Variants in THSD4 observed in about 807,000 individuals in gnomAD.
The protein encoded by THSD4 is thrombospondin type 1 domain containing 4.
In THSD4, 69 loss-of-function variants were observed where a neutral mutation model predicts 119.0. That is an observed-to-expected ratio of 0.58 (90% confidence interval 0.48 to 0.71). THSD4 has a LOEUF of 0.71. THSD4 is among the 30% of genes least tolerant of loss of function. THSD4 has a pLI of 0.00. For missense variants in THSD4, 1,393 were observed against 1,391.1 expected (o/e 1.00, Z -0.02); for synonymous variants, 524 against 540.4 (o/e 0.97, Z 0.42).
chr15:71,410,980 G>A (rs528539174), intron 6 of THSD4, among the ~76,000 whole-genome samples: 8 of 152,310 alleles, frequency 5.3e-5, no homozygotes, highest in South Asian at 2.1e-4. Context: ...CCCGGGAGGC[G>A]GAGGTTGCTG....
At chr15:71,727,583 T>TACACACACAC (rs1567122090) in intron 8 of THSD4, among the ~76,000 whole-genome samples, 2 of 6,884 alleles carry the variant, frequency 2.9e-4, no homozygotes, top group African/African-American at 4.7e-4. Flanking sequence ...TATATATATA[T>TACACACACAC]ATATACACAC....
intron 7 of THSD4, among the ~76,000 whole-genome samples, chr15:71,657,405 C>T (rs2051212649): frequency 6.6e-6 from 1 of 152,222 alleles, no homozygotes; most frequent in East Asian, 1.9e-4. Flanking sequence ...ATCTGATCTT[C>T]ACAACAGCCC....
chr15:71,757,141 G>A (rs2053553186), intron 14 of THSD4, among the ~76,000 whole-genome samples: 1 of 152,104 alleles, frequency 6.6e-6, no homozygotes. Flanking sequence ...CATGCCAAAG[G>A]TAGGAGGGGC....
chr15:71,473,893 C>T (rs1457134594), intron 7 of THSD4, among the ~76,000 whole-genome samples: 1 of 152,194 alleles, frequency 6.6e-6, no homozygotes, highest in African/African-American at 2.4e-5. Flanking sequence ...CAGCCCAGGT[C>T]CTACCTTAGG....
chr15:71,558,580 C>T (rs1403537878), intron 7 of THSD4, among the ~76,000 whole-genome samples: 1 of 152,084 alleles, frequency 6.6e-6, no homozygotes, highest in Non-Finnish European at 1.5e-5. Flanking sequence ...GTGATCCTTC[C>T]ACCTCAGCTT....
chr15:71,456,393 A>G (rs2047339543), intron 7 of THSD4, among the ~76,000 whole-genome samples: 1 of 152,214 alleles, frequency 6.6e-6, no homozygotes, highest in Non-Finnish European at 1.5e-5. Context: ...TTAAATGATC[A>G]TCTTTGTTGA....
At chr15:71,371,925 GTAT>G (rs1418244240) in intron 6 of THSD4, among the ~76,000 whole-genome samples, 2 of 152,150 alleles carry the variant, frequency 1.3e-5, no homozygotes, top group Admixed American at 1.3e-4. Flanking sequence ...CCAGTCAGAT[GTAT>G]ATCTGGTCTT....
intron 6 of THSD4, among the ~76,000 whole-genome samples, chr15:71,290,248 C>G (rs2044772513): frequency 1.3e-5 from 2 of 152,182 alleles, no homozygotes; most frequent in Admixed American, 1.3e-4. Context: ...CTGTTCCTGG[C>G]TAAGTAGCTT....
intron 3 of THSD4, among the ~76,000 whole-genome samples, chr15:71,210,181 T>C (rs939807830): frequency 1.1e-4 from 16 of 152,278 alleles, no homozygotes; most frequent in African/African-American, 3.9e-4. Context: ...TCACAGGAGG[T>C]ATCCTGGGTG....
At chr15:71,296,554 AC>A (rs2140331418) in intron 6 of THSD4, among the ~76,000 whole-genome samples, 1 of 152,316 alleles carries the variant, frequency 6.6e-6, no homozygotes, top group South Asian at 2.1e-4. Context: ...GAGAATCAGT[AC>A]GCAGAGCAGG....
At chr15:71,208,875 C>T (rs930241283) in intron 3 of THSD4, among the ~76,000 whole-genome samples, 2 of 152,048 alleles carry the variant, frequency 1.3e-5, no homozygotes, top group East Asian at 1.9e-4. Flanking sequence ...TAGAGAGGCA[C>T]CATAATATCA....
At chr15:71,199,669 GTGGAGGGTGT>G (rs1347925839) in intron 3 of THSD4, among the ~76,000 whole-genome samples, 26 of 27,634 alleles carry the variant, frequency 9.4e-4, no homozygotes, top group East Asian at 5.0e-3. Flanking sequence ...TGATGCATGT[GTGGAGGGTGT>G]GTGTGTGTGT....
At chr15:71,694,268 C>G (rs2141057638) in intron 8 of THSD4, among the ~76,000 whole-genome samples, 1 of 152,264 alleles carries the variant, frequency 6.6e-6, no homozygotes, top group South Asian at 2.1e-4. Context: ...TTGGATTTCT[C>G]TTCTTTCAGT....
intron 7 of THSD4, among the ~76,000 whole-genome samples, chr15:71,449,435 T>G (rs2047233214): frequency 6.6e-6 from 1 of 152,150 alleles, no homozygotes; most frequent in South Asian, 2.1e-4. Flanking sequence ...CTAACTATTG[T>G]GTGGTCTTGG....
At chr15:71,646,727 C>T (rs767612536) in intron 7 of THSD4, among the ~76,000 whole-genome samples, 8 of 152,168 alleles carry the variant, frequency 5.3e-5, no homozygotes, top group Non-Finnish European at 1.0e-4. Context: ...CACTTTATGA[C>T]AGCAAAGTAT....
chr15:71,575,387 T>G (rs996371933), intron 7 of THSD4, among the ~76,000 whole-genome samples: 1 of 152,244 alleles, frequency 6.6e-6, no homozygotes, highest in African/African-American at 2.4e-5. Flanking sequence ...TATTTTGTTT[T>G]AGTGATGAGC....
At chr15:71,748,343 G>C (rs1345937183) in intron 13 of THSD4, 78 bp from the exon 14 acceptor site, 6 of 1,555,306 alleles carry the variant, frequency 3.9e-6, no homozygotes, top group Non-Finnish European at 2.6e-6. Context: ...GATCACAAAG[G>C]CTGCGGGCTC....
chr15:71,139,718 T>C (rs563573859), intron 1 of THSD4, among the ~76,000 whole-genome samples: 2 of 152,358 alleles, frequency 1.3e-5, no homozygotes, highest in African/African-American at 2.4e-5. Flanking sequence ...GACTATCTTT[T>C]TGTAAATCCT....
At chr15:71,737,019 C>T (rs1214014905) in intron 10 of THSD4, among the ~76,000 whole-genome samples, 5 of 152,166 alleles carry the variant, frequency 3.3e-5, no homozygotes, top group African/African-American at 9.7e-5. Flanking sequence ...CATGTCGGAA[C>T]GTTATATTTG....
Sources: gnomAD v4.1 joint callset for allele counts (sites outside exome capture counted in the v4.1 genomes callset) on GRCh38, gnomAD v4.1.1 for gene constraint, MANE v1.5 for transcripts, NCBI Gene and HGNC (gene_info 2026-07-23, HGNC 2026-07-21) for gene names.